DPAGT1: variants seen among roughly 807,000 people sequenced by gnomAD.
The protein encoded by DPAGT1 is dolichyl-phosphate N-acetylglucosaminephosphotransferase 1.
Under a neutral mutation model 39.3 loss-of-function variants are expected in DPAGT1, and 25 were observed. That is an observed-to-expected ratio of 0.64 (90% CI 0.46 to 0.89). The LOEUF (loss-of-function observed/expected upper bound fraction) is 0.89, where lower values mean the gene tolerates loss of function less well. Among genes scored for constraint, DPAGT1 ranks in the 40% least tolerant of loss-of-function variants. The probability of loss-of-function intolerance (pLI) is 0.00; values close to 1 mark genes in which losing one functional copy is unlikely to be tolerated. For missense variants in DPAGT1, 381 were observed against 500.6 expected (o/e 0.76, Z 2.28); for synonymous variants, 193 against 201.4 (o/e 0.96, Z 0.36).
intron 2 of DPAGT1, 50 bp from the exon 3 acceptor site, chr11:119,100,893 C>A: frequency 6.2e-7 from 1 of 1,613,886 alleles, no homozygotes. Context: ...CCCATTCCAC[C>A]TTTTAAGAAT....
chr11:119,099,997 G>A (rs1946469346), intron 4 of DPAGT1, among the ~76,000 whole-genome samples: 1 of 152,122 alleles, frequency 6.6e-6, no homozygotes, highest in African/African-American at 2.4e-5. Flanking sequence ...CCTGTGTAAC[G>A]TTGGGGTTCT....
chr11:119,100,484 G>A (rs1760882607), intron 3 of DPAGT1, 76 bp from the exon 4 acceptor site: 1 of 1,608,254 alleles, frequency 6.2e-7, no homozygotes, highest in South Asian at 1.1e-5. Flanking sequence ...GAAAAGTGGT[G>A]AGGACGGACG....
chr11:119,100,519 G>C lies in DPAGT1; in HGVS notation c.496+111C>G, dbSNP rs1946480368. 8.8e-6 allele frequency: 14 copies of C among 1,594,898 alleles called. No individual in the cohort carries two copies. In the Admixed American group the frequency reaches 2.3e-4, roughly 27 times the overall value. ...GATAGGATGAAGGGCTACCAGAAAG[G>C]ATCTGGGAAGACACAGAGACAAAAA... is the stretch of plus-strand genomic sequence containing the variant. On this transcript the variant is annotated intron_variant, in intron 3 of 8. Transcript: ENST00000354202.
intron 5 of DPAGT1, 66 bp from the exon 6 acceptor site, chr11:119,098,109 A>G: frequency 6.2e-7 from 1 of 1,600,598 alleles, no homozygotes; most frequent in South Asian, 1.1e-5. Flanking sequence ...CTCACATCAC[A>G]CCCTATGGGC....
At chr11:119,094,792 C>G, downstream of DPAGT1, 1 of 709,700 alleles carries the variant, frequency 1.4e-6, no homozygotes, top group Non-Finnish European at 2.2e-6. Context: ...GGCGGGGACT[C>G]GAGGCCGGGC....
Position 119,101,168 on chromosome 11 carries a change from G to GA in DPAGT1, c.162-31dup, listed in dbSNP as rs771737742. ...GGCCCAGCAGCAAGGGGGCGAGGGG[G>GA]AAGAGGAAAGGGGGCGTGGTCACTC... On this transcript the variant is annotated intron_variant, in intron 1 of 8. Coordinates refer to ENST00000354202, the MANE Select transcript of DPAGT1 (RefSeq NM_001382.4). The GA allele has an allele frequency of 1.9e-6, 3 of 1,613,398 alleles. No individual in the cohort carries two copies. The Admixed American group carries it at 5.0e-5, about 27-fold the overall frequency.
Position 119,097,328 on chromosome 11 carries a change from G to C in DPAGT1, c.1006-31C>G, listed in dbSNP as rs1946415844. ...GGGACCAGAGGTGAAGAGAACCTCA[G>C]CTAATACCTATGCTTTAGGAATGTG... On this transcript the variant is annotated intron_variant, in intron 7 of 8. Coordinates refer to ENST00000354202, the MANE Select transcript of DPAGT1 (RefSeq NM_001382.4). This position sits in a 1 kb window ranked among gnomAD's most constrained non-coding sequence, Gnocchi z 4.6. 1 of 1,614,014 alleles carries C rather than the reference G, an allele frequency of 6.2e-7. No individual in the cohort carries two copies. The highest frequency in any genetic ancestry group is 8.5e-7 in the Non-Finnish European group (1 of 1,179,898).
At chr11:119,098,635 C>T (rs1946441012) in intron 4 of DPAGT1, 148 bp from the exon 5 acceptor site, 2 of 776,242 alleles carry the variant, frequency 2.6e-6, no homozygotes, top group Non-Finnish European at 4.4e-6. Flanking sequence ...TTTATGTCAC[C>T]CAAGGCAATT....
In DPAGT1 at chr11:119,098,474, A is replaced by G; in HGVS notation, c.657T>C (p.Asp219=). The G allele has an allele frequency of 6.2e-7, 1 of 1,614,230 alleles. No homozygotes were observed. The highest frequency in any genetic ancestry group is 8.5e-7 in the Non-Finnish European group (1 of 1,180,022). The change falls in exon 5 of 9, where the codon GAT becomes GAC. Residue 219 remains aspartate (D), a synonymous_variant. Coordinates refer to ENST00000354202, the MANE Select transcript of DPAGT1 (RefSeq NM_001382.4). ...TGAAGTAGAGGGAAAAGACATGATC[A>G]TCCCGACAATCACCTTTGGAAGCAA... ...NLVELEGDCR[D]DHVFSLYFMI...
intron 5 of DPAGT1, 139 bp downstream of exon 5, chr11:119,098,264 G>T: frequency 8.5e-7 from 1 of 1,171,760 alleles, no homozygotes. Context: ...AGAAATTTCA[G>T]AATACGACCA....
At position 119,097,182 on chromosome 11, in the gene DPAGT1, A is replaced by T; in HGVS notation, c.1121T>A (p.Ile374Lys). ...GAGCAATGTGAGGTTTCTCTCATGTATGGGCCCAAGGACTTTAAGTAGCAA... is the reference window on the plus strand; with the variant it reads ...GAGCAATGTGAGGTTTCTCTCATGTTTGGGCCCAAGGACTTTAAGTAGCAA... The part of the protein sequence containing the change: ...INLLLKVLGP[I>K]HERNLTLLLL... Residue 374 changes from isoleucine (I) to lysine (K), a missense_variant, in exon 8 of 9, where the codon ATA (isoleucine) becomes AAA (lysine). By Grantham distance (102) the Ile-to-Lys change is moderately radical. Coordinates refer to ENST00000354202, the MANE Select transcript of DPAGT1 (RefSeq NM_001382.4). The surrounding 1 kb of genome is among the most constrained non-coding windows in gnomAD (Gnocchi z 4.6). The T allele has an allele frequency of 6.2e-7, 1 of 1,614,066 alleles. No homozygotes were observed. The highest frequency in any genetic ancestry group is 2.2e-5 in the East Asian group (1 of 44,882).
Position 119,098,506 on chromosome 11 carries a change from A to G in DPAGT1, c.644-19T>C, listed in dbSNP as rs1318244883. ...CAATCACCTTTGGAAGCAAGGAAGAAAGAAGGAAAAGTTAATACCCACTTC... is the reference window on the plus strand; with the variant it reads ...CAATCACCTTTGGAAGCAAGGAAGAGAGAAGGAAAAGTTAATACCCACTTC... On this transcript the variant is annotated intron_variant, in intron 4 of 8. Transcript: ENST00000354202. The G allele has an allele frequency of 1.2e-6, 2 of 1,612,988 alleles. No homozygotes were observed. The highest frequency in any genetic ancestry group is 2.7e-5 in the African/African-American group (2 of 74,898).
rs770550581 is a variant in DPAGT1 at position 119,101,699 on chromosome 11, G to C, written c.-44C>G. ...CGGCTCCGCCGCCTCTTCAGGTAACGGGCAAGCTGAGCAGCAGTCCTGAGG... is the reference window on the plus strand; with the variant it reads ...CGGCTCCGCCGCCTCTTCAGGTAACCGGCAAGCTGAGCAGCAGTCCTGAGG... On this transcript the variant is annotated 5_prime_UTR_variant, in exon 1 of 9. Coordinates refer to ENST00000354202, the MANE Select transcript of DPAGT1 (RefSeq NM_001382.4). The C allele has an allele frequency of 8.1e-6, 13 of 1,613,736 alleles. No homozygotes were observed. Among genetic ancestry groups the C allele is most frequent in the Middle Eastern group, 1.7e-4 (1 of 5,982 alleles).
chr11:119,094,991 T>C, downstream of DPAGT1: 1 of 1,612,450 alleles, frequency 6.2e-7, no homozygotes, highest in Non-Finnish European at 8.5e-7. Flanking sequence ...CTGGGTGGCC[T>C]TCTTGCCGCC....
rs894899789 is a variant in DPAGT1, at chr11:119,097,954, T to C, written c.818A>G (p.Lys273Arg). 3.1e-6 allele frequency: 5 copies of C among 1,614,200 alleles called. No homozygotes were observed. The highest frequency in any genetic ancestry group is 4.2e-6 in the Non-Finnish European group (5 of 1,180,032). Residue 273 changes from lysine to arginine, a missense_variant, in exon 6 of 9, where the codon AAG (lysine) becomes AGG (arginine). Coordinates refer to ENST00000354202, the MANE Select transcript of DPAGT1 (RefSeq NM_001382.4). This position sits in a 1 kb window ranked among gnomAD's most constrained non-coding sequence, Gnocchi z 4.6. ...AVVGILGHFS[K>R]TMLLFFMPQV... ...GGGCATGAAGAATAGTAGCATGGTCTTGCTGAAGTGTCCCAAGATGCCCAC... is the reference window on the plus strand; with the variant it reads ...GGGCATGAAGAATAGTAGCATGGTCCTGCTGAAGTGTCCCAAGATGCCCAC...
chr11:119,096,250 C>G (rs1170452420), downstream of DPAGT1, among the ~76,000 whole-genome samples: 2 of 152,368 alleles, frequency 1.3e-5, no homozygotes, highest in East Asian at 1.9e-4. Flanking sequence ...GCATGAGCCA[C>G]TGCACCCGGT....
In DPAGT1 at chr11:119,101,750, C is replaced by T; in HGVS notation, c.-95G>A. 3 of 1,595,176 alleles carry T rather than the reference C, an allele frequency of 1.9e-6. No individual in the cohort carries two copies. Among genetic ancestry groups the T allele is most frequent in the African/African-American group, 1.3e-5 (1 of 74,496 alleles). The stretch of plus-strand genomic sequence containing the variant: ...CCTCAGCAGTATGGAGTGGCCGCTC[C>T]CCACAGGCAGGCTCTTCCCACACCA... On this transcript the variant is annotated 5_prime_UTR_variant, in exon 1 of 9. Coordinates refer to ENST00000354202, the MANE Select transcript of DPAGT1 (RefSeq NM_001382.4).
At chr11:119,095,180 C>T, downstream of DPAGT1, 1 of 1,614,044 alleles carries the variant, frequency 6.2e-7, no homozygotes, top group Non-Finnish European at 8.5e-7. Context: ...CTTGTTGTCG[C>T]GGGCCGCATT....
Position 119,100,781 on chromosome 11 carries a change from A to G in DPAGT1, c.345T>C (p.Asp115=). 6.2e-7 allele frequency: 1 copy of G among 1,614,226 alleles called. No homozygotes were observed. Among genetic ancestry groups the G allele is most frequent in the Non-Finnish European group, 8.5e-7 (1 of 1,180,046 alleles). The part of the protein sequence containing the change: ...ICCMIFLGFA[D]DVLNLRWRHK... ...GGCGCCAGCGCAGATTCAGTACATC[A>G]TCCGCAAAGCCCAGGAAGATCATGC... Residue 115 remains aspartate, a synonymous_variant, in exon 3 of 9, where the codon GAT becomes GAC. Transcript: ENST00000354202.
Sources: gnomAD v4.1 joint callset for allele counts (sites outside exome capture counted in the v4.1 genomes callset) on GRCh38, gnomAD v4.1.1 for gene constraint, Gnocchi (gnomAD v3.1) non-coding constraint, MANE v1.5 for transcripts, NCBI Gene and HGNC (gene_info 2026-07-23, HGNC 2026-07-21) for gene names.